UQCRC2: variants seen among roughly 807,000 people sequenced by gnomAD.
UQCRC2 encodes ubiquinol-cytochrome c reductase core protein 2, also known as cytochrome b-c1 complex subunit 2, mitochondrial.
UQCRC2 carries 49 observed loss-of-function variants against 55.6 expected under a neutral mutation model. The observed-to-expected ratio is 0.88, with a 90% CI of 0.70 to 1.12. The LOEUF (loss-of-function observed/expected upper bound fraction) is 1.12, where lower values mean the gene tolerates loss of function less well. Ranked by LOEUF, UQCRC2 falls within the 50% of genes most tolerant of loss-of-function variation. The pLI is 0.00. For missense variants in UQCRC2, 506 were observed against 547.8 expected, an observed-to-expected ratio of 0.92 and a Z score of 0.76; for synonymous variants, 193 against 192.0, an observed-to-expected ratio of 1.01 and a Z score of -0.04.
chr16:21,954,220 A>G (rs1237519927), intron 1 of UQCRC2, among the ~76,000 whole-genome samples: 1 of 152,158 alleles, frequency 6.6e-6, no homozygotes, highest in African/African-American at 2.4e-5. Flanking sequence ...TTTAGTTGCA[A>G]CAACTTGTAA....
intron 12 of UQCRC2, among the ~76,000 whole-genome samples, chr16:21,978,675 G>T (rs111564594): frequency 6.6e-6 from 1 of 152,148 alleles, no homozygotes; most frequent in Non-Finnish European, 1.5e-5. Context: ...GTATAATTTC[G>T]TACTGACAGC....
chr16:21,965,906 A>G (rs1243580794), intron 7 of UQCRC2, among the ~76,000 whole-genome samples: 1 of 151,610 alleles, frequency 6.6e-6, no homozygotes, highest in African/African-American at 2.4e-5. Flanking sequence ...CTGGTCTTGA[A>G]CTCTTAAGCT....
chr16:21,967,715 T>C (rs1034270141), intron 7 of UQCRC2, among the ~76,000 whole-genome samples: 10 of 152,112 alleles, frequency 6.6e-5, no homozygotes, highest in Non-Finnish European at 1.2e-4. Context: ...ACAGTGACCG[T>C]TTTTGTTTTT....
chr16:21,981,322 C>A (rs1250566258), intron 13 of UQCRC2, among the ~76,000 whole-genome samples: 1 of 152,126 alleles, frequency 6.6e-6, no homozygotes, highest in Non-Finnish European at 1.5e-5. Context: ...AAGCACATGA[C>A]CTACAGAATT....
intron 4 of UQCRC2, among the ~76,000 whole-genome samples, chr16:21,960,613 C>G (rs1018888387): frequency 6.6e-6 from 1 of 152,200 alleles, no homozygotes; most frequent in Non-Finnish European, 1.5e-5. Context: ...GCCTTCCTGA[C>G]TTCCTTAGAA....
intron 1 of UQCRC2, among the ~76,000 whole-genome samples, chr16:21,956,136 T>C (rs1411813566): frequency 6.6e-6 from 1 of 152,210 alleles, no homozygotes; most frequent in Non-Finnish European, 1.5e-5. Context: ...GTTTGTCTTT[T>C]TTAAAGGTTA....
Position 21,980,560 on chromosome 16 carries a change from G to A in UQCRC2, c.1138G>A (p.Ala380Thr). Residue 380 changes from alanine (A) to threonine (T), a missense_variant, in exon 13 of 14, where the codon GCT becomes ACT. Transcript: ENST00000268379. ...DVQAAKNKLK[A>T]GYLMSVESSE... is the part of the protein sequence containing the mutation. ...TTTATTGGACAGGAACAAGCTGAAA[G>A]CTGGATACCTAATGTCAGTGGAGTC... The A allele has an allele frequency of 6.2e-7, 1 of 1,613,896 alleles. No individual in the cohort carries two copies. Among genetic ancestry groups the A allele is most frequent in the South Asian group, 1.1e-5 (1 of 91,040 alleles).
chr16:21,970,806 G>A (rs1390190384), intron 8 of UQCRC2, among the ~76,000 whole-genome samples: 1 of 152,188 alleles, frequency 6.6e-6, no homozygotes, highest in East Asian at 1.9e-4. Flanking sequence ...GACTGGTCTC[G>A]AACTCCTGAG....
intron 1 of UQCRC2, among the ~76,000 whole-genome samples, chr16:21,956,192 T>C (rs896821381): frequency 6.6e-6 from 1 of 152,190 alleles, no homozygotes; most frequent in African/African-American, 2.4e-5. Context: ...GAAATTAGAC[T>C]GAACGGATGA....
At chr16:21,976,481 CAGGAGTTTGAGA>C (rs1898589367) in intron 12 of UQCRC2, 1 of 397,874 alleles carries the variant, frequency 2.5e-6, no homozygotes, top group Non-Finnish European at 4.6e-6. Flanking sequence ...CATTTGAGAC[CAGGAGTTTGAGA>C]CCAGCTTGGG....
rs182975438 is a variant in UQCRC2 at position 21,969,645 on chromosome 16, A to C, written c.670+960A>C. ...GTAGTTGCATGAGAATATCATTTGT[A>C]ATATTTTTTGTTTTGTTTTGCAAAT... On this transcript the variant is annotated intron_variant, in intron 8 of 13. Transcript: ENST00000268379. Among the ~76,000 whole-genome samples, 5 of 152,218 alleles carry C rather than the reference A, an allele frequency of 3.3e-5. No homozygotes were observed. In the East Asian group the frequency reaches 9.6e-4, roughly 29 times the overall value.
At position 21,972,070 on chromosome 16, in the gene UQCRC2, C is replaced by A. The variant is rs1898477176; in HGVS notation, c.914C>A (p.Thr305Asn). 1 of 1,613,948 alleles carries A rather than the reference C, an allele frequency of 6.2e-7. No individual in the cohort carries two copies. Among genetic ancestry groups the A allele is most frequent in the South Asian group, 1.1e-5 (1 of 91,082 alleles). ...AGPHVKRGSN[T>N]TSHLHQAVAK... ...CCACATGTCAAGAGGGGCAGCAACACCACCAGCCATCTGCACCAGGCTGTT... is the reference window on the plus strand; with the variant it reads ...CCACATGTCAAGAGGGGCAGCAACAACACCAGCCATCTGCACCAGGCTGTT... Residue 305 changes from threonine (T) to asparagine (N), a missense_variant, in exon 10 of 14, where the codon ACC (threonine) becomes AAC (asparagine). Transcript: ENST00000268379.
At chr16:21,974,489 C>T (rs1898536331) in intron 11 of UQCRC2, among the ~76,000 whole-genome samples, 1 of 152,092 alleles carries the variant, frequency 6.6e-6, no homozygotes, top group Admixed American at 6.5e-5. Context: ...CATTTTGACC[C>T]ACAGTGAAAT....
chr16:21,959,709 T>C (rs1407768931), intron 4 of UQCRC2: 1 of 152,260 alleles, frequency 6.6e-6, no homozygotes, highest in Non-Finnish European at 1.5e-5. Flanking sequence ...CTTCACTATC[T>C]GTGGTAGCTG....
chr16:21,957,848 C>T (rs554033032), intron 3 of UQCRC2, among the ~76,000 whole-genome samples: 1 of 152,306 alleles, frequency 6.6e-6, no homozygotes, highest in South Asian at 2.1e-4. Context: ...TCCTAGCTTC[C>T]AGCAGTTGCC....
intron 1 of UQCRC2, 135 bp downstream of exon 1, chr16:21,953,591 T>G: frequency 8.7e-7 from 1 of 1,153,964 alleles, no homozygotes; most frequent in Non-Finnish European, 1.2e-6. Flanking sequence ...GCGGGCCAAG[T>G]GGGCTGCAGA....
At chr16:21,983,026 G>A (rs1451020919) in intron 13 of UQCRC2, 62 bp from the exon 14 acceptor site, 56 of 1,438,984 alleles carry the variant, frequency 3.9e-5, no homozygotes, top group African/African-American at 1.0e-4. Context: ...AAATAAGTTC[G>A]CCTGCTTGAT....
intron 6 of UQCRC2, among the ~76,000 whole-genome samples, chr16:21,963,689 G>A (rs944242356): frequency 6.6e-6 from 1 of 151,776 alleles, no homozygotes; most frequent in Non-Finnish European, 1.5e-5. Context: ...GGCTGGTCTC[G>A]AACTCCTGGG....
intron 10 of UQCRC2, 136 bp downstream of exon 10, chr16:21,972,258 T>C (rs927823997): frequency 8.6e-7 from 1 of 1,165,700 alleles, no homozygotes. Flanking sequence ...TAGCCAGGCT[T>C]GATTTTAGTA....
Sources: allele counts gnomAD v4.1 joint callset (sites outside exome capture counted in the v4.1 genomes callset), GRCh38; gene constraint gnomAD v4.1.1; transcripts MANE v1.5; gene names NCBI Gene and HGNC (gene_info 2026-07-23, HGNC 2026-07-21).